PNOC: variants seen among roughly 807,000 people sequenced by gnomAD.
PNOC encodes the protein prepronociceptin.
PNOC carries 10 observed loss-of-function variants against 15.6 expected under a neutral mutation model. That is an observed-to-expected ratio of 0.64 (90% CI 0.40 to 1.09). PNOC has a LOEUF of 1.09. Among genes scored for constraint, PNOC ranks in the 50% least tolerant of loss-of-function variants. PNOC has a pLI of 0.01. For missense variants in PNOC, 220 were observed against 223.9 expected (o/e 0.98, Z 0.11); for synonymous variants, 98 against 88.5 (o/e 1.11, Z -0.60).
chr8:28,332,462 T>C (rs952075288), intron 2 of PNOC, among the ~76,000 whole-genome samples: 1 of 152,188 alleles, frequency 6.6e-6, no homozygotes, highest in Admixed American at 6.5e-5. Flanking sequence ...GTATGGCTGC[T>C]TGTTGTTAGA....
At chr8:28,330,168 AC>A (rs1801297755) in intron 2 of PNOC, among the ~76,000 whole-genome samples, 1 of 150,642 alleles carries the variant, frequency 6.6e-6, no homozygotes, top group Non-Finnish European at 1.5e-5. Flanking sequence ...CTGGTCTTGA[AC>A]CCCTGACCTC....
chr8:28,342,635 G>A (rs1801542432), intron 3 of PNOC, among the ~76,000 whole-genome samples: 1 of 152,182 alleles, frequency 6.6e-6, no homozygotes, highest in Admixed American at 6.6e-5. Flanking sequence ...TGTAAAACAA[G>A]GGCACTATTT....
chr8:28,334,635 T>C (rs1342400023), intron 2 of PNOC, among the ~76,000 whole-genome samples: 1 of 152,078 alleles, frequency 6.6e-6, no homozygotes, highest in African/African-American at 2.4e-5. Context: ...GCTAGAACTG[T>C]AGGCATGCAC....
Position 28,334,579 on chromosome 8 carries a change from T to G in PNOC, c.127-4461T>G, listed in dbSNP as rs998236856. On this transcript the variant is annotated intron_variant, in intron 2 of 3. Coordinates refer to ENST00000301908, the MANE Select transcript of PNOC (RefSeq NM_006228.5). ...CAGCAATCTCAGCTCACTGCAGCCT[T>G]GACTTCCCAGGCCCAAGCAATCCTC... is the stretch of plus-strand genomic sequence containing the variant. Among the ~76,000 whole-genome samples the G allele has an allele frequency of 3.3e-5, 5 of 152,198 alleles. No individual in the cohort carries two copies. In the East Asian group the frequency reaches 9.7e-4, roughly 29 times the overall value.
At chr8:28,334,473 A>C (rs1238293899) in intron 2 of PNOC, among the ~76,000 whole-genome samples, 1 of 152,084 alleles carries the variant, frequency 6.6e-6, no homozygotes, top group Non-Finnish European at 1.5e-5. Context: ...TTAGGCTAAA[A>C]ATTTGCATTC....
intron 2 of PNOC, among the ~76,000 whole-genome samples, chr8:28,334,615 C>T (rs899522746): frequency 6.6e-6 from 1 of 152,182 alleles, no homozygotes; most frequent in Admixed American, 6.5e-5. Context: ...TCACCTCAGC[C>T]TCCCAAGTAG....
chr8:28,320,980 T>C (rs1462409547), intron 1 of PNOC, among the ~76,000 whole-genome samples: 3 of 152,294 alleles, frequency 2.0e-5, no homozygotes, highest in African/African-American at 7.2e-5. Flanking sequence ...AAATAAAAGC[T>C]TTTCTTTCTT....
intron 2 of PNOC, among the ~76,000 whole-genome samples, chr8:28,335,486 C>A (rs921454453): frequency 2.6e-5 from 4 of 152,110 alleles, no homozygotes; most frequent in African/African-American, 9.7e-5. Context: ...AAGTTTTAAT[C>A]CCTGCTTCTA....
chr8:28,342,269 C>T (rs1192197638), intron 3 of PNOC, among the ~76,000 whole-genome samples: 1 of 150,270 alleles, frequency 6.7e-6, no homozygotes, highest in Non-Finnish European at 1.5e-5. Flanking sequence ...AGGAGAATCG[C>T]TTGAACCCAG....
intron 1 of PNOC, among the ~76,000 whole-genome samples, chr8:28,319,339 C>G (rs757121219): frequency 2.6e-5 from 4 of 152,022 alleles, no homozygotes; most frequent in Non-Finnish European, 4.4e-5. Context: ...GAGGACCATG[C>G]AAGGCAGGGT....
At chr8:28,338,444 GC>G (rs1585840685) in intron 2 of PNOC, among the ~76,000 whole-genome samples, 1 of 152,182 alleles carries the variant, frequency 6.6e-6, no homozygotes, top group Admixed American at 6.5e-5. Flanking sequence ...CGCACGTCCA[GC>G]CGGCCTACCA....
At chr8:28,330,401 T>TTTTATTTTATTTTATTTTA (rs1554517541) in intron 2 of PNOC, among the ~76,000 whole-genome samples, 1,443 of 41,324 alleles carry the variant, frequency 0.035, 36 homozygotes, top group African/African-American at 0.11. Context: ...ATTTTATTTT[T>TTTTATTTTATTTTATTTTA]TTTTTTTTTT....
chr8:28,330,399 T>TTATTTTATTTTATTTTATTTTA, intron 2 of PNOC, among the ~76,000 whole-genome samples: 1 of 104,138 alleles, frequency 9.6e-6, no homozygotes, highest in African/African-American at 3.4e-5. Flanking sequence ...TTATTTTATT[T>TTATTTTATTTTATTTTATTTTA]TTTTTTTTTT....
intron 1 of PNOC, among the ~76,000 whole-genome samples, chr8:28,326,910 G>GCTAGAACACTT (rs1801234217): frequency 6.6e-6 from 1 of 152,154 alleles, no homozygotes; most frequent in Non-Finnish European, 1.5e-5. Flanking sequence ...CAGTGGTTCT[G>GCTAGAACACTT]GGGTGAGGCC....
chr8:28,335,262 A>G (rs958761670), intron 2 of PNOC, among the ~76,000 whole-genome samples: 1 of 152,220 alleles, frequency 6.6e-6, no homozygotes, highest in African/African-American at 2.4e-5. Flanking sequence ...GCAAGCACAC[A>G]GAGGTAGCTG....
At chr8:28,341,951 T>C (rs1801526564) in intron 3 of PNOC, among the ~76,000 whole-genome samples, 1 of 152,150 alleles carries the variant, frequency 6.6e-6, no homozygotes, top group Non-Finnish European at 1.5e-5. Flanking sequence ...GGGGGACTCT[T>C]GTTACCAATG....
chr8:28,331,817 C>T (rs1205018625), intron 2 of PNOC, among the ~76,000 whole-genome samples: 1 of 152,146 alleles, frequency 6.6e-6, no homozygotes, highest in African/African-American at 2.4e-5. Context: ...ACTCTCTCTC[C>T]CCATATGGAG....
chr8:28,322,184 T>G (rs1466271182), intron 1 of PNOC, among the ~76,000 whole-genome samples: 2 of 149,346 alleles, frequency 1.3e-5, no homozygotes, highest in Non-Finnish European at 1.5e-5. Context: ...AGGTCAGGAG[T>G]TTGAGACCAG....
chr8:28,326,915 G>A (rs7831650), intron 1 of PNOC, among the ~76,000 whole-genome samples: 45,021 of 152,118 alleles, frequency 0.3, 7,303 homozygotes, highest in Admixed American at 0.44. Flanking sequence ...GTTCTGGGGT[G>A]AGGCCCAAGA....
Sources: gnomAD v4.1 joint callset for allele counts (sites outside exome capture counted in the v4.1 genomes callset) on GRCh38, gnomAD v4.1.1 for gene constraint, MANE v1.5 for transcripts, NCBI Gene and HGNC (gene_info 2026-07-23, HGNC 2026-07-21) for gene names.